The following NCOR1 variants were observed in gnomAD, a reference collection of about 807,000 sequenced individuals.
NCOR1 encodes nuclear receptor corepressor 1.
NCOR1 carries 63 observed loss-of-function variants against 288.1 expected under a neutral mutation model. That is an observed-to-expected ratio of 0.22 (90% confidence interval 0.18 to 0.27). NCOR1 has a LOEUF of 0.27. Ranked by LOEUF, NCOR1 falls within the 10% of genes least tolerant of loss-of-function variation. NCOR1 has a pLI of 1.00. For missense variants in NCOR1, 2,397 were observed against 3,019.2 expected (o/e 0.79, Z 4.83); for synonymous variants, 1,007 against 1,065.9 (o/e 0.94, Z 1.08).
chr17:16,114,921 C>G (rs1158460070), intron 18 of NCOR1, among the ~76,000 whole-genome samples: 1 of 152,102 alleles, frequency 6.6e-6, no homozygotes, highest in South Asian at 2.1e-4. Flanking sequence ...AGGCAGTGCA[C>G]TAGTAGGGAG....
At chr17:16,085,328 C>G (rs777927456) in intron 23 of NCOR1, among the ~76,000 whole-genome samples, 16 of 152,174 alleles carry the variant, frequency 1.1e-4, no homozygotes, top group Non-Finnish European at 2.2e-4. Flanking sequence ...ATTGTAGAAC[C>G]ATTCTGGAAA....
chr17:16,189,588 A>G (rs178816), intron 2 of NCOR1, among the ~76,000 whole-genome samples: 63,502 of 151,974 alleles, frequency 0.42, 15,122 homozygotes, highest in Middle Eastern at 0.55. Context: ...GCTACAGCAA[A>G]AAGTTCCAAC....
chr17:16,215,394 G>A lies in NCOR1; in HGVS notation c.-103C>T. On this transcript the variant is annotated 5_prime_UTR_variant, in exon 1 of 46. Coordinates refer to ENST00000268712, the MANE Select transcript of NCOR1 (RefSeq NM_006311.4). ...TGGCTAAGCGTGGGAGCCGACGTGC[G>A]CCCCGGCCTGAGGAGTGGGACGCGG... 1 of 395,628 alleles carries A rather than the reference G, an allele frequency of 2.5e-6. No homozygotes were observed. Among genetic ancestry groups the A allele is most frequent in the South Asian group, 1.3e-4 (1 of 7,766 alleles). The allele number at this position is 395,628 out of a possible 1,614,324, so 24.5% of individuals were successfully genotyped here. A position where few individuals can be genotyped will look rare whatever the true frequency, so the allele number is the denominator to read the frequency against.
rs2152974080 is a variant in NCOR1, at chr17:16,098,402, G to A, written c.2785C>T (p.Gln929Ter). 6.2e-7 allele frequency: 1 copy of A among 1,614,066 alleles called. No individual in the cohort carries two copies. The highest frequency in any genetic ancestry group is 1.1e-5 in the South Asian group (1 of 91,070). Residue 929 changes from glutamine (Q) to a stop codon, truncating the protein, a stop_gained, in exon 21 of 46, where the codon CAG becomes TAG. Coordinates refer to ENST00000268712, the MANE Select transcript of NCOR1 (RefSeq NM_006311.4). LOFTEE classifies it high-confidence loss of function. ...PLKPNPLDLP[Q>*]LQHRAAVIPP... ...ATAACAGCAGCTCGATGCTGAAGCT[G>A]TGGCAGATCCAGTGGATTTGGTTTT...
At chr17:16,080,864 A>G in intron 23 of NCOR1, 137 bp from the exon 24 acceptor site, 1 of 866,708 alleles carries the variant, frequency 1.2e-6, no homozygotes, top group East Asian at 2.7e-5. Flanking sequence ...AACCAAGAAT[A>G]GTTTTTGTAA....
chr17:16,169,043 A>C (rs2082608210), intron 4 of NCOR1, among the ~76,000 whole-genome samples: 1 of 152,230 alleles, frequency 6.6e-6, no homozygotes, highest in South Asian at 2.1e-4. Context: ...CAATTGATTA[A>C]ATAATTTTAT....
chr17:16,036,678 A>G lies in NCOR1; in HGVS notation c.6956-1734T>C, dbSNP rs550816003. The stretch of plus-strand genomic sequence containing the variant: ...CTTCAACCTCTGAATGGCCTCTGCT[A>G]GCTTCAGCCTTCTCATCTGTGGCTT... On this transcript the variant is annotated intron_variant, in intron 44 of 45. Transcript: ENST00000268712. 3.3e-5 allele frequency among the ~76,000 whole-genome samples: 5 copies of G among 152,304 alleles called. No homozygotes were observed. In the South Asian group the frequency reaches 1.0e-3, roughly 32 times the overall value.
At chr17:16,073,706 G>C in intron 27 of NCOR1, 137 bp from the exon 28 acceptor site, 1 of 674,460 alleles carries the variant, frequency 1.5e-6, no homozygotes, top group Non-Finnish European at 2.1e-6. Flanking sequence ...AATATGTGTA[G>C]ATGATTCATG....
chr17:16,190,837 A>C (rs1398279045), intron 2 of NCOR1, among the ~76,000 whole-genome samples: 1 of 152,266 alleles, frequency 6.6e-6, no homozygotes, highest in Non-Finnish European at 1.5e-5. Context: ...AATAATAGGC[A>C]GCAGAGGGCT....
At chr17:16,059,309 A>G (rs1381361570) in intron 37 of NCOR1, among the ~76,000 whole-genome samples, 1 of 152,198 alleles carries the variant, frequency 6.6e-6, no homozygotes, top group African/African-American at 2.4e-5. Context: ...CACCACCATG[A>G]TGATTTTAAA....
chr17:16,043,341 C>G (rs1286825487), intron 42 of NCOR1, among the ~76,000 whole-genome samples: 1 of 152,082 alleles, frequency 6.6e-6, no homozygotes, highest in Admixed American at 6.5e-5. Context: ...CCATGGTGGG[C>G]CCAGGAGCCC....
chr17:16,099,174 A>G (rs1488636647), intron 20 of NCOR1, among the ~76,000 whole-genome samples: 1 of 151,792 alleles, frequency 6.6e-6, no homozygotes, highest in Non-Finnish European at 1.5e-5. Context: ...ATGAGCACAC[A>G]CTCCTCTGCT....
chr17:16,168,662 CA>C (rs2082506942), intron 4 of NCOR1, among the ~76,000 whole-genome samples: 1 of 151,718 alleles, frequency 6.6e-6, no homozygotes. Context: ...AGAATGTATA[CA>C]AAAAAATCAA....
rs1268474238 is a variant in NCOR1, at chr17:16,029,240, G to A, written c.*3056C>T. 2 of 453,840 alleles carry A rather than the reference G, an allele frequency of 4.4e-6. No homozygotes were observed. The highest frequency in any genetic ancestry group is 8.8e-6 in the Non-Finnish European group (2 of 226,702). The allele number at this position is 453,840 out of a possible 1,614,324, so 28.1% of individuals were successfully genotyped here. A position where few individuals can be genotyped will look rare whatever the true frequency, so the allele number is the denominator to read the frequency against. ...CATGGTCTCGTTGTTGGAAACACTA[G>A]GAGTTTTCAGGACAGTCTCTTCATG... On this transcript the variant is annotated 3_prime_UTR_variant, in exon 46 of 46. Coordinates refer to ENST00000268712, the MANE Select transcript of NCOR1 (RefSeq NM_006311.4).
chr17:16,104,630 G>C (rs933364098), intron 19 of NCOR1, among the ~76,000 whole-genome samples: 5 of 152,160 alleles, frequency 3.3e-5, no homozygotes, highest in African/African-American at 1.2e-4. Flanking sequence ...AAATTAGCTA[G>C]TCATGGTGGC....
At chr17:16,140,733 G>T (rs2077025115) in intron 11 of NCOR1, among the ~76,000 whole-genome samples, 1 of 152,190 alleles carries the variant, frequency 6.6e-6, no homozygotes, top group South Asian at 2.1e-4. Context: ...AGAATCGCTT[G>T]AACCTGGGAC....
At chr17:16,213,023 TG>T (rs1234543193) in intron 1 of NCOR1, among the ~76,000 whole-genome samples, 3 of 144,436 alleles carry the variant, frequency 2.1e-5, no homozygotes, top group African/African-American at 7.8e-5. Flanking sequence ...AGCGAGCCAC[TG>T]TATTTCAGCC....
At chr17:16,131,624 C>A (rs2075655487) in intron 14 of NCOR1, among the ~76,000 whole-genome samples, 3 of 152,160 alleles carry the variant, frequency 2.0e-5, no homozygotes, top group Non-Finnish European at 4.4e-5. Flanking sequence ...TACCGTTTCA[C>A]TACTGGACAA....
At chr17:16,161,685 T>C (rs1241513972) in intron 5 of NCOR1, among the ~76,000 whole-genome samples, 1 of 152,242 alleles carries the variant, frequency 6.6e-6, no homozygotes, top group Non-Finnish European at 1.5e-5. Context: ...GTGTGAGACA[T>C]GATTTAGTCC....
Sources: gnomAD v4.1 joint callset for allele counts (sites outside exome capture counted in the v4.1 genomes callset) on GRCh38, gnomAD v4.1.1 for gene constraint, MANE v1.5 for transcripts, NCBI Gene and HGNC (gene_info 2026-07-23, HGNC 2026-07-21) for gene names.